The following MPPED2 variants were observed in gnomAD, a reference collection of about 807,000 sequenced individuals.
MPPED2 encodes the protein metallophosphoesterase domain containing 2, also known as metallophosphoesterase MPPED2.
MPPED2 carries 5 observed loss-of-function variants against 33.0 expected under a neutral mutation model. The observed-to-expected ratio is 0.15, with a 90% confidence interval of 0.08 to 0.32. MPPED2 has a LOEUF of 0.32. Ranked by LOEUF, MPPED2 falls within the 10% of genes least tolerant of loss-of-function variation. The probability of loss-of-function intolerance (pLI) is 1.00; values close to 1 mark genes in which losing one functional copy is unlikely to be tolerated. For synonymous variants in MPPED2, 136 were observed against 141.9 expected, an observed-to-expected ratio of 0.96 and a Z score of 0.29; for missense variants, 275 against 372.1, an observed-to-expected ratio of 0.74 and a Z score of 2.15.
At chr11:30,420,476 A>G (rs1565050063) in intron 4 of MPPED2, among the ~76,000 whole-genome samples, 1 of 152,362 alleles carries the variant, frequency 6.6e-6, no homozygotes, top group South Asian at 2.1e-4. Flanking sequence ...GTTAGAAGCT[A>G]CTAAAGTTGC....
At chr11:30,523,858 G>A (rs991935988) in intron 3 of MPPED2, among the ~76,000 whole-genome samples, 88 of 152,246 alleles carry the variant, frequency 5.8e-4, no homozygotes, top group African/African-American at 2.1e-3. Flanking sequence ...TCACCAAAGA[G>A]GTGGCATTTG....
chr11:30,404,900 C>T lies in MPPED2; in HGVS notation c.766+9328G>A, dbSNP rs553570788. On this transcript the variant is annotated intron_variant, in intron 6 of 6. Coordinates refer to the MPPED2 transcript ENST00000448418. ...GTTATTTGCCAAATAGTGATTAATT[C>T]ATTAAGAAGGTGTTTCTTCAGACCT... 1.7e-4 allele frequency among the ~76,000 whole-genome samples: 26 copies of T among 152,208 alleles called. No individual in the cohort carries two copies. The South Asian group carries it at 5.4e-3, about 32-fold the overall frequency.
intron 2 of MPPED2, among the ~76,000 whole-genome samples, chr11:30,555,475 T>C (rs1955921355): frequency 6.6e-6 from 1 of 152,286 alleles, no homozygotes; most frequent in Admixed American, 6.5e-5. Context: ...CCAAATCTCA[T>C]CTTTAATCGT....
chr11:30,543,269 A>G (rs1328115052), intron 2 of MPPED2, among the ~76,000 whole-genome samples: 2 of 152,136 alleles, frequency 1.3e-5, no homozygotes, highest in Non-Finnish European at 2.9e-5. Flanking sequence ...CTTCAGAGGG[A>G]CTAGTTCAGT....
intron 4 of MPPED2, among the ~76,000 whole-genome samples, chr11:30,466,502 GAGGAA>G (rs1228379410): frequency 1.3e-5 from 2 of 152,194 alleles, no homozygotes; most frequent in South Asian, 4.1e-4. Flanking sequence ...TGGATCCATT[GAGGAA>G]AGGGCCCTTC....
At chr11:30,578,712 A>G (rs1426833217) in intron 2 of MPPED2, among the ~76,000 whole-genome samples, 1 of 152,156 alleles carries the variant, frequency 6.6e-6, no homozygotes, top group African/African-American at 2.4e-5. Flanking sequence ...TAATACAAAA[A>G]CATAACACCA....
chr11:30,580,149 T>A (rs1957099096), intron 2 of MPPED2, 97 bp downstream of exon 2: 2 of 1,217,718 alleles, frequency 1.6e-6, no homozygotes, highest in African/African-American at 1.5e-5. Context: ...CATTTACCTT[T>A]TAGTCTCCCT....
At chr11:30,491,827 T>C in intron 4 of MPPED2, among the ~76,000 whole-genome samples, 1 of 152,248 alleles carries the variant, frequency 6.6e-6, no homozygotes, top group East Asian at 1.9e-4. Context: ...AAACTACTGA[T>C]GCCTCCCAAA....
intron 4 of MPPED2, among the ~76,000 whole-genome samples, chr11:30,450,107 G>A (rs1320106169): frequency 6.6e-6 from 1 of 152,276 alleles, no homozygotes; most frequent in South Asian, 2.1e-4. Flanking sequence ...GAATTCACAG[G>A]CGCCAGCCAC....
At chr11:30,461,640 CAGTCCAA>C (rs1950522202) in intron 4 of MPPED2, among the ~76,000 whole-genome samples, 1 of 151,806 alleles carries the variant, frequency 6.6e-6, no homozygotes, top group South Asian at 2.1e-4. Flanking sequence ...CCTGACCTTA[CAGTCCAA>C]AGTTCAGCAC....
At chr11:30,548,834 C>T (rs541632779) in intron 2 of MPPED2, among the ~76,000 whole-genome samples, 34 of 152,244 alleles carry the variant, frequency 2.2e-4, no homozygotes, top group Middle Eastern at 3.4e-3. Context: ...GGGGACACTG[C>T]GTTTGTCAGG....
In MPPED2 at chr11:30,498,469, A is replaced by T. The variant is rs1313006123; in HGVS notation, c.311-2948T>A. On this transcript the variant is annotated intron_variant, in intron 3 of 6. Transcript: ENST00000358117. ...GTGTGGTAGCAGGAGAATTGCTTGA[A>T]CCCCGGAGGTGCAGGTTGCTGTGAG... is the stretch of plus-strand genomic sequence containing the variant. 8.1e-5 allele frequency among the ~76,000 whole-genome samples: 12 copies of T among 148,704 alleles called. No individual in the cohort carries two copies. The Admixed American group carries it at 8.2e-4, about 10-fold the overall frequency.
intron 4 of MPPED2, among the ~76,000 whole-genome samples, chr11:30,455,657 C>T (rs545236491): frequency 1.3e-5 from 2 of 152,318 alleles, no homozygotes; most frequent in Non-Finnish European, 2.9e-5. Flanking sequence ...GGATGGTAGG[C>T]AACCAGAATT....
At chr11:30,478,930 C>T (rs1472782172) in intron 4 of MPPED2, among the ~76,000 whole-genome samples, 3 of 152,052 alleles carry the variant, frequency 2.0e-5, no homozygotes, top group African/African-American at 4.8e-5. Flanking sequence ...GAAAAAAGTT[C>T]TTGATGCTTT....
At chr11:30,386,266 A>C (rs1947701162) in exon 7 of MPPED2, 1 of 153,114 alleles carries the variant, frequency 6.5e-6, no homozygotes, top group South Asian at 2.1e-4. Flanking sequence ...AATGGGAAAA[A>C]GGCCTTGAAG....
chr11:30,487,491 G>C (rs1184300039), intron 4 of MPPED2, among the ~76,000 whole-genome samples: 1 of 152,132 alleles, frequency 6.6e-6, no homozygotes, highest in Non-Finnish European at 1.5e-5. Context: ...ACATAAATCT[G>C]TGTGTGTGAG....
chr11:30,537,172 T>A (rs564643583), intron 2 of MPPED2, among the ~76,000 whole-genome samples: 1 of 152,234 alleles, frequency 6.6e-6, no homozygotes, highest in Admixed American at 6.5e-5. Flanking sequence ...ATTTAAGGGG[T>A]TTGTCGCAGA....
At chr11:30,579,007 T>TG (rs1957048203) in intron 2 of MPPED2, among the ~76,000 whole-genome samples, 1 of 150,128 alleles carries the variant, frequency 6.7e-6, no homozygotes, top group Non-Finnish European at 1.5e-5. Context: ...TTTTCCTTTT[T>TG]TTTTTTTTTT....
intron 2 of MPPED2, among the ~76,000 whole-genome samples, chr11:30,544,880 C>T (rs1039102398): frequency 1.3e-4 from 20 of 152,064 alleles, no homozygotes; most frequent in South Asian, 2.1e-4. Flanking sequence ...AGAAAAAAGA[C>T]GCATGAGAGT....
Sources: allele counts gnomAD v4.1 joint callset (sites outside exome capture counted in the v4.1 genomes callset), GRCh38; gene constraint gnomAD v4.1.1; transcripts MANE v1.5; gene names NCBI Gene and HGNC (gene_info 2026-07-23, HGNC 2026-07-21).